The following CDH13 variants were observed in gnomAD, a reference collection of about 807,000 sequenced individuals.
CDH13 encodes cadherin 13.
A neutral mutation model predicts 63.8 loss-of-function variants in CDH13; 24 were observed. The observed-to-expected ratio is 0.38, with a 90% CI of 0.27 to 0.53. The LOEUF is 0.53. Ranked by LOEUF, CDH13 falls within the 20% of genes least tolerant of loss-of-function variation. The probability of loss-of-function intolerance (pLI) is 0.85; values close to 1 mark genes in which losing one functional copy is unlikely to be tolerated. For missense variants in CDH13, 1,049 were observed against 903.1 expected (o/e 1.16, Z -2.07); for synonymous variants, 503 against 355.3 (o/e 1.42, Z -4.67).
chr16:83,563,434 A>C (rs556509486), intron 7 of CDH13, among the ~76,000 whole-genome samples: 15 of 152,352 alleles, frequency 9.8e-5, no homozygotes, highest in African/African-American at 3.6e-4. Flanking sequence ...AATTTAAGGC[A>C]ATGTACAAAG....
At chr16:83,137,538 A>T (rs1385898262) in intron 4 of CDH13, among the ~76,000 whole-genome samples, 1 of 152,244 alleles carries the variant, frequency 6.6e-6, no homozygotes, top group Non-Finnish European at 1.5e-5. Context: ...CTGGCAAGAA[A>T]AGCCACTGCC....
intron 5 of CDH13, among the ~76,000 whole-genome samples, chr16:83,273,228 C>T (rs8058887): frequency 3.2e-4 from 48 of 151,968 alleles, no homozygotes; most frequent in Non-Finnish European, 4.6e-4. Context: ...AGGTTTGTTA[C>T]GTGTATAAAT....
chr16:82,904,047 G>T lies in CDH13; in HGVS notation c.157+45574G>T, dbSNP rs569537666. ...TTTTTTTCTATTAAAATTATAACCCGTTATTAAAATATTTAAGCACACAAA... is the reference window on the plus strand; with the variant it reads ...TTTTTTTCTATTAAAATTATAACCCTTTATTAAAATATTTAAGCACACAAA... On this transcript the variant is annotated intron_variant, in intron 2 of 13. Transcript: ENST00000567109. Among the ~76,000 whole-genome samples, 3 of 151,622 alleles carry T rather than the reference G, an allele frequency of 2.0e-5. No individual in the cohort carries two copies. In the East Asian group the frequency reaches 5.8e-4, roughly 29 times the overall value.
At chr16:83,740,230 T>C (rs931164852) in intron 10 of CDH13, among the ~76,000 whole-genome samples, 2 of 151,896 alleles carry the variant, frequency 1.3e-5, no homozygotes, top group African/African-American at 4.8e-5. Context: ...TTAGAGACCA[T>C]GGTTAAGAGT....
rs774565780 is a variant in CDH13 at position 83,678,230 on chromosome 16, C to T, written c.1307C>T (p.Ala436Val). ...VVKPLDYEISAFHTLLIKVEN... is the reference protein window; with the variant it reads ...VVKPLDYEISVFHTLLIKVEN... ...CAGCCATTGGACTATGAAATTTCTG[C>T]CTTCCACACCCTGCTGATCAAAGTG... Residue 436 changes from alanine (A) to valine (V), a missense_variant, in exon 10 of 14, where the codon GCC becomes GTC. Transcript: ENST00000567109. 1 of 1,612,460 alleles carries T rather than the reference C, an allele frequency of 6.2e-7. No individual in the cohort carries two copies. Among genetic ancestry groups the T allele is most frequent in the East Asian group, 2.2e-5 (1 of 44,842 alleles).
At chr16:83,267,569 A>C (rs1418769191) in intron 5 of CDH13, among the ~76,000 whole-genome samples, 1 of 152,192 alleles carries the variant, frequency 6.6e-6, no homozygotes, top group African/African-American at 2.4e-5. Context: ...CCTCATGAAT[A>C]GATGAATGCT....
Position 83,653,500 on chromosome 16 carries a change from T to C in CDH13, c.1102-17290T>C, listed in dbSNP as rs193088946. On this transcript the variant is annotated intron_variant, in intron 8 of 13. Transcript: ENST00000567109. ...CAAACCAGATTGAGGAAAATCTTTC[T>C]AGGGAAAAAAAACTCACAAAAGCTG... Among the ~76,000 whole-genome samples, 397 of 151,128 alleles carry C rather than the reference T, an allele frequency of 2.6e-3. 3 individuals carry two copies. The highest frequency in any genetic ancestry group is 5.5e-3 in the Admixed American group (84 of 15,200).
At chr16:82,891,970 T>C (rs1465102069) in intron 2 of CDH13, among the ~76,000 whole-genome samples, 1 of 152,184 alleles carries the variant, frequency 6.6e-6, no homozygotes, top group African/African-American at 2.4e-5. Context: ...CTTTTGATCC[T>C]TTGTTTGTAA....
At chr16:82,946,892 C>A (rs1268685126) in intron 2 of CDH13, among the ~76,000 whole-genome samples, 1 of 152,100 alleles carries the variant, frequency 6.6e-6, no homozygotes, top group Non-Finnish European at 1.5e-5. Flanking sequence ...TAAGCAGAAT[C>A]TGCATTTAAA....
chr16:83,258,551 T>G (rs926258748), intron 5 of CDH13, among the ~76,000 whole-genome samples: 1 of 152,208 alleles, frequency 6.6e-6, no homozygotes, highest in African/African-American at 2.4e-5. Flanking sequence ...GTGTTCTGTC[T>G]GATATGTGGC....
intron 2 of CDH13, among the ~76,000 whole-genome samples, chr16:82,891,953 C>A (rs985187446): frequency 1.3e-5 from 2 of 152,130 alleles, no homozygotes; most frequent in Non-Finnish European, 2.9e-5. Flanking sequence ...TGTTGTTGGT[C>A]AGTATCCTTT....
At chr16:83,526,420 A>G (rs1262482008) in intron 7 of CDH13, among the ~76,000 whole-genome samples, 1 of 152,148 alleles carries the variant, frequency 6.6e-6, no homozygotes, top group African/African-American at 2.4e-5. Flanking sequence ...TGTTCCACCT[A>G]AGACCATCAG....
chr16:82,791,138 G>T (rs2036277051), intron 1 of CDH13, among the ~76,000 whole-genome samples: 1 of 151,808 alleles, frequency 6.6e-6, no homozygotes, highest in African/African-American at 2.4e-5. Flanking sequence ...TCGGGAGGCT[G>T]AGGCAGGAGA....
At chr16:83,647,064 A>G (rs1911891972) in intron 8 of CDH13, among the ~76,000 whole-genome samples, 2 of 151,952 alleles carry the variant, frequency 1.3e-5, no homozygotes, top group Admixed American at 1.3e-4. Context: ...TAATCCCAGC[A>G]CTTTGGGAGG....
At chr16:82,695,024 T>A (rs181692727) in intron 1 of CDH13, among the ~76,000 whole-genome samples, 348 of 152,138 alleles carry the variant, frequency 2.3e-3, no homozygotes, top group African/African-American at 8.0e-3. Flanking sequence ...CAGGAGGCAG[T>A]GGAGGAGCTA....
intron 2 of CDH13, among the ~76,000 whole-genome samples, chr16:82,883,566 T>A (rs180740986): frequency 1.5e-3 from 234 of 152,346 alleles, no homozygotes; most frequent in Non-Finnish European, 2.6e-3. Flanking sequence ...ATGCTTTGTC[T>A]CCTGTTAGTC....
intron 2 of CDH13, among the ~76,000 whole-genome samples, chr16:83,015,677 G>GTATA (rs71148803): frequency 0.11 from 4,295 of 37,406 alleles, 562 homozygotes; most frequent in Non-Finnish European, 0.15. Flanking sequence ...GTGTGTGTAT[G>GTATA]TATATATATA....
At chr16:83,203,412 T>C (rs1051589189) in intron 4 of CDH13, among the ~76,000 whole-genome samples, 18 of 151,648 alleles carry the variant, frequency 1.2e-4, no homozygotes, top group East Asian at 3.9e-4. Context: ...TAAGGCCAGG[T>C]GTGGTGGCTC....
chr16:83,711,150 A>C (rs1231954025), intron 10 of CDH13, among the ~76,000 whole-genome samples: 1 of 152,192 alleles, frequency 6.6e-6, no homozygotes, highest in Non-Finnish European at 1.5e-5. Context: ...CCCCAGTTAG[A>C]AGTATCTGTG....
Sources: allele counts gnomAD v4.1 joint callset (sites outside exome capture counted in the v4.1 genomes callset), GRCh38; gene constraint gnomAD v4.1.1; transcripts MANE v1.5; gene names NCBI Gene and HGNC (gene_info 2026-07-23, HGNC 2026-07-21).